Variants in TNFAIP8L3 observed in about 807,000 individuals in gnomAD.
The protein encoded by TNFAIP8L3 is TNF alpha induced protein 8 like 3.
A neutral mutation model predicts 11.8 loss-of-function variants in TNFAIP8L3; 7 were observed. That is an observed-to-expected ratio of 0.59 (90% CI 0.34 to 1.11). The LOEUF is 1.11. Among genes scored for constraint, TNFAIP8L3 ranks in the 50% most tolerant of loss-of-function variants. The pLI is 0.03. For synonymous variants in TNFAIP8L3, 98 were observed against 103.8 expected (o/e 0.94, Z 0.34); for missense variants, 219 against 258.6 (o/e 0.85, Z 1.05).
At chr15:51,073,095 C>A (rs550231005) in intron 1 of TNFAIP8L3, among the ~76,000 whole-genome samples, 1 of 148,292 alleles carries the variant, frequency 6.7e-6, no homozygotes, top group South Asian at 2.2e-4. Flanking sequence ...CTCCCGGTTT[C>A]AAGCGATTCT....
intron 1 of TNFAIP8L3, among the ~76,000 whole-genome samples, chr15:51,088,898 T>C (rs2065447783): frequency 1.3e-5 from 2 of 152,208 alleles, no homozygotes; most frequent in South Asian, 4.1e-4. Context: ...CACTCAAGGT[T>C]ATTCCTAGTT....
chr15:51,100,775 AAAC>A (rs1453206520), intron 1 of TNFAIP8L3, among the ~76,000 whole-genome samples: 18 of 150,554 alleles, frequency 1.2e-4, no homozygotes, highest in Middle Eastern at 3.4e-3. Flanking sequence ...GAAAAAAAAC[AAAC>A]AAACAAGGCA....
chr15:51,067,163 G>A (rs542086118), intron 1 of TNFAIP8L3, among the ~76,000 whole-genome samples: 17 of 152,298 alleles, frequency 1.1e-4, no homozygotes, highest in African/African-American at 4.1e-4. Context: ...AGGCATTTGG[G>A]AACACTTTAA....
At chr15:51,092,215 C>T (rs1030806326) in intron 1 of TNFAIP8L3, among the ~76,000 whole-genome samples, 1 of 152,172 alleles carries the variant, frequency 6.6e-6, no homozygotes, top group Admixed American at 6.5e-5. Flanking sequence ...GAGGCAGGTA[C>T]ACACACACAT....
intron 1 of TNFAIP8L3, among the ~76,000 whole-genome samples, chr15:51,100,989 T>C (rs569424149): frequency 2.0e-5 from 3 of 152,340 alleles, no homozygotes; most frequent in South Asian, 4.1e-4. Context: ...AGCTGTTTTC[T>C]AGCTGGATAC....
At chr15:51,077,079 G>T (rs1001531144) in intron 1 of TNFAIP8L3, among the ~76,000 whole-genome samples, 2 of 152,150 alleles carry the variant, frequency 1.3e-5, no homozygotes, top group African/African-American at 4.8e-5. Flanking sequence ...CGACCTTGGA[G>T]CCTCCAGCTT....
chr15:51,070,908 G>T (rs993505999), intron 1 of TNFAIP8L3, among the ~76,000 whole-genome samples: 1 of 145,256 alleles, frequency 6.9e-6, no homozygotes, highest in Non-Finnish European at 1.5e-5. Flanking sequence ...AAAATTAGCC[G>T]GGCGTAGTGG....
chr15:51,097,349 G>A (rs751796995), upstream of TNFAIP8L3, among the ~76,000 whole-genome samples: 1 of 152,152 alleles, frequency 6.6e-6, no homozygotes, highest in Non-Finnish European at 1.5e-5. Flanking sequence ...CTCATCAGTC[G>A]TCAGGTCTTC....
chr15:51,081,561 C>A (rs1486932705), intron 1 of TNFAIP8L3, among the ~76,000 whole-genome samples: 1 of 152,240 alleles, frequency 6.6e-6, no homozygotes, highest in African/African-American at 2.4e-5. Flanking sequence ...TGTCTTAGCA[C>A]CAACCTCCAC....
Position 51,094,819 on chromosome 15 carries a change from C to A in TNFAIP8L3, c.-224G>T. 1.8e-6 allele frequency: 1 copy of A among 560,224 alleles called. No homozygotes were observed. The highest frequency in any genetic ancestry group is 2.1e-5 in the African/African-American group (1 of 48,604). 34.7% of individuals were successfully genotyped at this position (560,224 alleles called of 1,614,324 possible). Reference sequence around the variant, plus strand: ...CGCCGGCCGGTGCCTGCGCGCGAGGCGAGCGCAGGGCGGAGGGTGGGGCGC... The same window carrying A: ...CGCCGGCCGGTGCCTGCGCGCGAGGAGAGCGCAGGGCGGAGGGTGGGGCGC... On this transcript the variant is annotated 5_prime_UTR_variant, in exon 1 of 2. Transcript: ENST00000637513. This position sits in a 1 kb window ranked among gnomAD's most constrained non-coding sequence, Gnocchi z 4.4.
At chr15:51,102,718 C>A (rs565850038) in intron 1 of TNFAIP8L3, among the ~76,000 whole-genome samples, 1 of 152,272 alleles carries the variant, frequency 6.6e-6, no homozygotes, top group African/African-American at 2.4e-5. Context: ...TTCAGGATTT[C>A]CCATCATATT....
chr15:51,101,203 G>A (rs10851494), intron 1 of TNFAIP8L3, among the ~76,000 whole-genome samples: 59,517 of 152,038 alleles, frequency 0.39, 11,900 homozygotes, highest in East Asian at 0.56. Flanking sequence ...CCTCCCTTTC[G>A]TCCTTCAGCC....
At chr15:51,062,119 CAAAA>C (rs2065245683) in intron 1 of TNFAIP8L3, among the ~76,000 whole-genome samples, 1 of 151,970 alleles carries the variant, frequency 6.6e-6, no homozygotes, top group Non-Finnish European at 1.5e-5. Flanking sequence ...AGGAAAAATA[CAAAA>C]ATTAGCTGGG....
At chr15:51,067,637 C>T (rs570861884) in intron 1 of TNFAIP8L3, among the ~76,000 whole-genome samples, 1 of 152,354 alleles carries the variant, frequency 6.6e-6, no homozygotes, top group South Asian at 2.1e-4. Context: ...GGTGCTTAGT[C>T]TATGCCTCAC....
chr15:51,094,241 C>G lies in TNFAIP8L3; in HGVS notation c.52+303G>C, dbSNP rs1409789082. Among the ~76,000 whole-genome samples, 1 of 152,220 alleles carries G rather than the reference C, an allele frequency of 6.6e-6. No homozygotes were observed. The highest frequency in any genetic ancestry group is 1.5e-5 in the Non-Finnish European group (1 of 68,036). ...AGATGTGTTGCAACCCTCTCTGCAG[C>G]AAACTACAGTACGCGGATTCCCGAA... On this transcript the variant is annotated intron_variant, in intron 1 of 1. Coordinates refer to ENST00000637513, the MANE Select transcript of TNFAIP8L3 (RefSeq NM_001311175.2). The surrounding 1 kb of genome is among the most constrained non-coding windows in gnomAD (Gnocchi z 4.4).
intron 1 of TNFAIP8L3, among the ~76,000 whole-genome samples, chr15:51,093,550 T>C (rs2065487912): frequency 6.6e-6 from 1 of 152,216 alleles, no homozygotes; most frequent in Non-Finnish European, 1.5e-5. Context: ...GTCAGTACTC[T>C]AGTGTGACAC....
intron 1 of TNFAIP8L3, among the ~76,000 whole-genome samples, chr15:51,093,601 G>A (rs1476952755): frequency 4.6e-5 from 7 of 152,168 alleles, no homozygotes; most frequent in Non-Finnish European, 8.8e-5. Flanking sequence ...GGTCTGTACA[G>A]GAGGGTCCCA....
chr15:51,073,241 C>T (rs55900486), intron 1 of TNFAIP8L3, among the ~76,000 whole-genome samples: 9,522 of 152,174 alleles, frequency 0.063, 1,020 homozygotes, highest in African/African-American at 0.22. Flanking sequence ...GGTGATCTGC[C>T]TGCCTTGGCC....
chr15:51,094,493 G>A lies in TNFAIP8L3; in HGVS notation c.52+51C>T. 1.4e-6 allele frequency: 2 copies of A among 1,421,390 alleles called. No homozygotes were observed. The highest frequency in any genetic ancestry group is 1.4e-5 in the South Asian group (1 of 72,248). The allele number at this position is 1,421,390 out of a possible 1,614,324, so 88.0% of individuals were successfully genotyped here. ...TCCCGATTTCATGCCCCAGCCTCCC[G>A]TCCTCCCCAGCCCCAGCCCACCCGC... is the stretch of plus-strand genomic sequence containing the variant. On this transcript the variant is annotated intron_variant, in intron 1 of 1. Coordinates refer to ENST00000637513, the MANE Select transcript of TNFAIP8L3 (RefSeq NM_001311175.2). The surrounding 1 kb of genome is among the most constrained non-coding windows in gnomAD (Gnocchi z 4.4).
Sources: gnomAD v4.1 joint callset for allele counts (sites outside exome capture counted in the v4.1 genomes callset) on GRCh38, gnomAD v4.1.1 for gene constraint, Gnocchi (gnomAD v3.1) non-coding constraint, MANE v1.5 for transcripts, NCBI Gene and HGNC (gene_info 2026-07-23, HGNC 2026-07-21) for gene names.